SCN3B: variants seen among roughly 807,000 people sequenced by gnomAD.
The protein encoded by SCN3B is sodium voltage-gated channel beta subunit 3.
Under a neutral mutation model 25.4 loss-of-function variants are expected in SCN3B, and 11 were observed. The ratio of observed to expected loss-of-function variants is 0.43; its 90% CI spans 0.27 to 0.72. The LOEUF (loss-of-function observed/expected upper bound fraction) is 0.72, where lower values mean the gene tolerates loss of function less well. Ranked by LOEUF, SCN3B falls within the 30% of genes least tolerant of loss-of-function variation. The probability of loss-of-function intolerance (pLI) is 0.18; values close to 1 mark genes in which losing one functional copy is unlikely to be tolerated. For missense variants in SCN3B, 218 were observed against 278.3 expected (o/e 0.78, Z 1.54); for synonymous variants, 109 against 110.7 (o/e 0.99, Z 0.09).
intron 2 of SCN3B, among the ~76,000 whole-genome samples, chr11:123,648,489 G>A (rs940724264): frequency 2.6e-5 from 4 of 152,096 alleles, no homozygotes; most frequent in Admixed American, 1.3e-4. Context: ...TTCTAAGCAC[G>A]AAGAATACAC....
chr11:123,630,503 C>CA lies in SCN3B; in HGVS notation c.*3295dup, dbSNP rs1357247844. The CA allele has an allele frequency of 2.6e-5, 4 of 152,576 alleles. No homozygotes were observed. The highest frequency in any genetic ancestry group is 9.7e-5 in the African/African-American group (4 of 41,430). 9.5% of individuals were successfully genotyped at this position (152,576 alleles called of 1,614,324 possible). ...GAACTCTTCTAAGCCCTTTAATAAG[C>CA]AACATCATGCCAGATAAAGCTTCCA... On this transcript the variant is annotated 3_prime_UTR_variant, in exon 7 of 7. Coordinates refer to ENST00000299333, the MANE Select transcript of SCN3B (RefSeq NM_001040151.2).
chr11:123,637,229 T>C (rs1320047985), intron 5 of SCN3B, among the ~76,000 whole-genome samples: 2 of 152,204 alleles, frequency 1.3e-5, no homozygotes, highest in African/African-American at 4.8e-5. Flanking sequence ...GGCTGGACTT[T>C]AGAGGATTAG....
In SCN3B at chr11:123,635,857, C is replaced by T. The variant is rs369163545; in HGVS notation, c.585-1651G>A. On this transcript the variant is annotated intron_variant, in intron 5 of 6. Transcript: ENST00000299333. ...AAACAAATAGAAGAACAATACATGA[C>T]AGGGACCTATGGCGCCTGCAAAGCC... Among the ~76,000 whole-genome samples the T allele has an allele frequency of 5.9e-5, 9 of 152,304 alleles. No individual in the cohort carries two copies. The East Asian group carries it at 7.7e-4, about 13-fold the overall frequency.
Position 123,632,921 on chromosome 11 carries a change from T to A in SCN3B, c.*878A>T, listed in dbSNP as rs1955688511. 1.3e-5 allele frequency: 2 copies of A among 152,260 alleles called. 1 individual carries two copies. Among genetic ancestry groups the A allele is most frequent in the South Asian group, 4.1e-4 (2 of 4,838 alleles). 9.4% of individuals were successfully genotyped at this position (152,260 alleles called of 1,614,324 possible). A position where few individuals can be genotyped will look rare whatever the true frequency, so the allele number is the denominator to read the frequency against. ...TATTCAGTTGAGCCCTGTATGAGTCTTAGTTGCCTCCTGTATGTAAAATGA... is the reference window on the plus strand; with the variant it reads ...TATTCAGTTGAGCCCTGTATGAGTCATAGTTGCCTCCTGTATGTAAAATGA... On this transcript the variant is annotated 3_prime_UTR_variant, in exon 7 of 7. Coordinates refer to ENST00000299333, the MANE Select transcript of SCN3B (RefSeq NM_001040151.2).
intron 3 of SCN3B, among the ~76,000 whole-genome samples, chr11:123,644,560 T>A (rs538391149): frequency 6.6e-6 from 1 of 152,084 alleles, no homozygotes; most frequent in Non-Finnish European, 1.5e-5. Flanking sequence ...TCACCTGAGG[T>A]CAGGAGTTTG....
At chr11:123,649,675 TCCTC>T (rs1213335020) in intron 2 of SCN3B, among the ~76,000 whole-genome samples, 1 of 144,152 alleles carries the variant, frequency 6.9e-6, no homozygotes, top group Non-Finnish European at 1.5e-5. Flanking sequence ...TTTCTTTTTT[TCCTC>T]TCTCTCTCTC....
intron 5 of SCN3B, among the ~76,000 whole-genome samples, chr11:123,634,671 G>A (rs550979647): frequency 1.3e-4 from 20 of 152,206 alleles, no homozygotes; most frequent in Non-Finnish European, 1.9e-4. Flanking sequence ...GAGCCTGGGA[G>A]GTCGAGGCCA....
Position 123,642,386 on chromosome 11 carries a change from C to G in SCN3B, c.445+60G>C. ...GGCCTCACTCGTGGAAAACTGCTGT[C>G]CTACCCTTCCCTGTCCACAGAGAGC... is the stretch of plus-strand genomic sequence containing the variant. On this transcript the variant is annotated intron_variant, in intron 4 of 6. Coordinates refer to ENST00000299333, the MANE Select transcript of SCN3B (RefSeq NM_001040151.2). This position sits in a 1 kb window ranked among gnomAD's most constrained non-coding sequence, Gnocchi z 4.3. 1 of 1,544,518 alleles carries G rather than the reference C, an allele frequency of 6.5e-7. No individual in the cohort carries two copies. Among genetic ancestry groups the G allele is most frequent in the Non-Finnish European group, 8.9e-7 (1 of 1,117,328 alleles).
At chr11:123,648,252 T>C (rs186049080) in intron 2 of SCN3B, among the ~76,000 whole-genome samples, 6 of 152,222 alleles carry the variant, frequency 3.9e-5, no homozygotes, top group East Asian at 1.9e-4. Context: ...AGGGTGAAGA[T>C]AGAATCTGGC....
chr11:123,638,690 A>C, intron 4 of SCN3B: 1 of 345,726 alleles, frequency 2.9e-6, no homozygotes, highest in South Asian at 2.5e-5. Flanking sequence ...TAATAACACC[A>C]GTCAGGGGTT....
At chr11:123,653,847 G>A in intron 1 of SCN3B, 21 bp from the exon 2 acceptor site, 2 of 1,600,044 alleles carry the variant, frequency 1.2e-6, no homozygotes, top group Non-Finnish European at 1.7e-6. Flanking sequence ...AGATTCCCTC[G>A]GTCAAGGACT....
intron 3 of SCN3B, among the ~76,000 whole-genome samples, chr11:123,643,366 C>T (rs1955812755): frequency 6.6e-6 from 1 of 152,234 alleles, no homozygotes; most frequent in South Asian, 2.1e-4. Context: ...TCAACACTTC[C>T]ACCCTCTGAC....
chr11:123,651,657 C>A lies in SCN3B; in HGVS notation c.55+2090G>T, dbSNP rs1955927157. Among the ~76,000 whole-genome samples, 4 of 152,238 alleles carry A rather than the reference C, an allele frequency of 2.6e-5. No individual in the cohort carries two copies. In the South Asian group the frequency reaches 8.3e-4, roughly 31 times the overall value. ...GGGATTACAGGCGTGAGCCACTGCG[C>A]CTGGCGAAGGGAAGCTGTTTTTCTT... On this transcript the variant is annotated intron_variant, in intron 2 of 6. Transcript: ENST00000299333.
At position 123,638,877 on chromosome 11, in the gene SCN3B, C is replaced by G. The variant is rs959288531; in HGVS notation, c.446-553G>C. ...CTCATTCAGGGCCAACAAAGACAGC[C>G]TCCATGAGATATGCGCATGTTCTCT... On this transcript the variant is annotated intron_variant, in intron 4 of 6. Coordinates refer to ENST00000299333, the MANE Select transcript of SCN3B (RefSeq NM_001040151.2). The G allele has an allele frequency of 2.1e-5, 4 of 191,936 alleles. No homozygotes were observed. The Admixed American group carries it at 2.1e-4, about 10-fold the overall frequency. The allele number at this position is 191,936 out of a possible 1,614,324, so 11.9% of individuals were successfully genotyped here. A position where few individuals can be genotyped will look rare whatever the true frequency, so the allele number is the denominator to read the frequency against.
rs1013432327 is a variant in SCN3B, at chr11:123,634,316, T to G, written c.585-110A>C. The G allele has an allele frequency of 1.2e-5, 10 of 832,214 alleles. No individual in the cohort carries two copies. The African/African-American group carries it at 1.3e-4, about 11-fold the overall frequency. 51.6% of individuals were successfully genotyped at this position (832,214 alleles called of 1,614,324 possible). ...AAGGATCTACAGAACAGCTCTGCAT[T>G]TCCTTCTGCTGTGTTTCTCAAGAGA... On this transcript the variant is annotated intron_variant, in intron 5 of 6. Transcript: ENST00000299333.
Position 123,637,980 on chromosome 11 carries a change from G to T in SCN3B, c.584+206C>A, listed in dbSNP as rs4554899. Among the ~76,000 whole-genome samples the T allele has an allele frequency of 0.073, 11,128 of 152,098 alleles. 901 individuals carry two copies. The highest frequency in any genetic ancestry group is 0.2 in the African/African-American group (8,298 of 41,462). On this transcript the variant is annotated intron_variant, in intron 5 of 6. Transcript: ENST00000299333. ...GAATTAAGCAAATGTTTAATTTTTC[G>T]TAATGAATTAAGAGTTTGCCTTAAG...
At chr11:123,651,837 G>C (rs73031648) in intron 2 of SCN3B, among the ~76,000 whole-genome samples, 23,908 of 152,172 alleles carry the variant, frequency 0.16, 1,974 homozygotes, top group Admixed American at 0.22. Context: ...TCGGGGAGGG[G>C]ATGGGCACTC....
At chr11:123,646,234 T>C (rs951286299) in intron 2 of SCN3B, among the ~76,000 whole-genome samples, 3 of 152,208 alleles carry the variant, frequency 2.0e-5, no homozygotes, top group Admixed American at 1.3e-4. Context: ...CACATATTCC[T>C]AACTAGGATT....
rs111690826 is a variant in SCN3B, at chr11:123,633,646, G to A, written c.*153C>T. 57 of 222,602 alleles carry A rather than the reference G, an allele frequency of 2.6e-4. 2 individuals are homozygous for A. The highest frequency in any genetic ancestry group is 1.2e-3 in the African/African-American group (53 of 44,218). The allele number at this position is 222,602 out of a possible 1,614,324, so 13.8% of individuals were successfully genotyped here. A position where few individuals can be genotyped will look rare whatever the true frequency, so the allele number is the denominator to read the frequency against. Reference sequence around the variant, plus strand: ...CAGAGGTGAAAGCTCAGAGGCAGGTGGATGTATGGATGAATGAATGAACAG... The same window carrying A: ...CAGAGGTGAAAGCTCAGAGGCAGGTAGATGTATGGATGAATGAATGAACAG... On this transcript the variant is annotated 3_prime_UTR_variant, in exon 7 of 7. Coordinates refer to ENST00000299333, the MANE Select transcript of SCN3B (RefSeq NM_001040151.2).
Sources: gnomAD v4.1 joint callset for allele counts (sites outside exome capture counted in the v4.1 genomes callset) on GRCh38, gnomAD v4.1.1 for gene constraint, Gnocchi (gnomAD v3.1) non-coding constraint, MANE v1.5 for transcripts, NCBI Gene and HGNC (gene_info 2026-07-23, HGNC 2026-07-21) for gene names.